The following PARD3B variants were observed in gnomAD, a reference collection of about 807,000 sequenced individuals.
PARD3B encodes par-3 family cell polarity regulator beta.
A neutral mutation model predicts 130.2 loss-of-function variants in PARD3B; 103 were observed. The observed-to-expected ratio is 0.79, with a 90% confidence interval of 0.67 to 0.93. The LOEUF (loss-of-function observed/expected upper bound fraction) is 0.93. Ranked by LOEUF, PARD3B falls within the 40% of genes least tolerant of loss-of-function variation. PARD3B has a pLI of 0.00. For missense variants in PARD3B, 1,609 were observed against 1,499.2 expected (o/e 1.07, Z -1.21); for synonymous variants, 583 against 553.2 (o/e 1.05, Z -0.76).
At chr2:205,472,014 A>C (rs1284199810) in intron 20 of PARD3B, among the ~76,000 whole-genome samples, 1 of 152,196 alleles carries the variant, frequency 6.6e-6, no homozygotes, top group Non-Finnish European at 1.5e-5. Flanking sequence ...TTCTGTCTGC[A>C]CGTAGTGTGT....
chr2:204,702,048 T>C (rs1205453751), intron 2 of PARD3B, among the ~76,000 whole-genome samples: 1 of 152,216 alleles, frequency 6.6e-6, no homozygotes, highest in Non-Finnish European at 1.5e-5. Context: ...TCCAGCTGCA[T>C]TCATGTTGCT....
chr2:204,944,904 G>T (rs1689191648), intron 2 of PARD3B, among the ~76,000 whole-genome samples: 1 of 152,084 alleles, frequency 6.6e-6, no homozygotes, highest in Non-Finnish European at 1.5e-5. Flanking sequence ...CACAAATTTG[G>T]GGGAGTGAGA....
chr2:204,782,610 G>A (rs2041878342), intron 2 of PARD3B, among the ~76,000 whole-genome samples: 1 of 151,368 alleles, frequency 6.6e-6, no homozygotes, highest in Non-Finnish European at 1.5e-5. Context: ...GACACTCCTT[G>A]TTGTTTATCT....
intron 3 of PARD3B, among the ~76,000 whole-genome samples, chr2:205,020,049 G>A (rs2125329544): frequency 6.6e-6 from 1 of 152,194 alleles, no homozygotes; most frequent in Middle Eastern, 3.4e-3. Flanking sequence ...TGAGTGGATT[G>A]GGGATATTCA....
chr2:205,338,242 A>G (rs1328007290), intron 18 of PARD3B, among the ~76,000 whole-genome samples: 1 of 151,638 alleles, frequency 6.6e-6, no homozygotes, highest in Non-Finnish European at 1.5e-5. Context: ...CCAAAGAGCT[A>G]TAAAGAAGAC....
intron 2 of PARD3B, among the ~76,000 whole-genome samples, chr2:204,850,382 T>G (rs2044657540): frequency 2.6e-5 from 4 of 152,078 alleles, no homozygotes; most frequent in Admixed American, 2.0e-4. Flanking sequence ...AGTAAACCTT[T>G]CTTGGACAAC....
chr2:205,476,215 G>A (rs896896889), intron 20 of PARD3B, among the ~76,000 whole-genome samples: 1 of 152,162 alleles, frequency 6.6e-6, no homozygotes, highest in Non-Finnish European at 1.5e-5. Flanking sequence ...CAGACTACAC[G>A]TTGTCGGAAT....
rs1159099968 is a variant in PARD3B at position 205,193,312 on chromosome 2, T to C, written c.2132T>C (p.Met711Thr). The change falls in exon 15 of 23, where the codon ATG (methionine) becomes ACG (threonine). Residue 711 changes from methionine to threonine, a missense_variant. Physicochemically the swap from Met to Thr is moderately conservative, Grantham distance 81 (BLOSUM62 -1). Transcript: ENST00000406610. The part of the protein sequence containing the change: ...ESINLKASKS[M>T]DLVPDESKVH... ...ATTAATTTGAAAGCCTCGAAGAGCA[T>C]GGACCTTGGTAAGCAAGGGTGAGGT... is the stretch of plus-strand genomic sequence containing the variant. 1.9e-6 allele frequency: 3 copies of C among 1,604,638 alleles called. No individual in the cohort carries two copies. The African/African-American group carries it at 4.0e-5, about 21-fold the overall frequency.
At chr2:205,084,996 C>T (rs142234915) in intron 4 of PARD3B, among the ~76,000 whole-genome samples, 1 of 152,106 alleles carries the variant, frequency 6.6e-6, no homozygotes, top group East Asian at 1.9e-4. Flanking sequence ...AGCTGTTCTG[C>T]TTAAATACCT....
rs1409818185 is a variant in PARD3B, at chr2:205,584,677, CAAAAATAAATAAAT to C, written c.3261-30761_3261-30748del. 3.3e-5 allele frequency among the ~76,000 whole-genome samples: 5 copies of C among 152,048 alleles called. No individual in the cohort carries two copies. The East Asian group carries it at 7.7e-4, about 24-fold the overall frequency. On this transcript the variant is annotated intron_variant, in intron 22 of 22. Coordinates refer to ENST00000406610, the MANE Select transcript of PARD3B (RefSeq NM_001302769.2). This position sits in a 1 kb window ranked among gnomAD's most constrained non-coding sequence, Gnocchi z 5.5. ...TGGGCAACAGAGCAAAACTCCATCT[CAAAAATAAATAAAT>C]AAAAATAAATAAATAAATGATATAT... is the stretch of plus-strand genomic sequence containing the variant.
intron 21 of PARD3B, among the ~76,000 whole-genome samples, chr2:205,539,336 A>G (rs1218086812): frequency 6.6e-6 from 1 of 152,204 alleles, no homozygotes; most frequent in Non-Finnish European, 1.5e-5. Flanking sequence ...AAAACCCTGT[A>G]TGAATATAGT....
intron 2 of PARD3B, among the ~76,000 whole-genome samples, chr2:204,765,180 G>A (rs1416406070): frequency 6.6e-6 from 1 of 152,136 alleles, no homozygotes. Context: ...TGAGCAGATG[G>A]TGACTGCACT....
intron 1 of PARD3B, among the ~76,000 whole-genome samples, chr2:204,578,655 C>CA (rs916323351): frequency 2.6e-5 from 4 of 152,146 alleles, no homozygotes; most frequent in South Asian, 2.1e-4. Flanking sequence ...TCCAATGATG[C>CA]AAAACCTTAA....
chr2:204,604,147 T>C (rs898534407), intron 1 of PARD3B, among the ~76,000 whole-genome samples: 6 of 152,170 alleles, frequency 3.9e-5, no homozygotes, highest in African/African-American at 1.4e-4. Context: ...GAATGTTAAC[T>C]GTTTTCAGAG....
At chr2:204,950,397 G>A (rs990816495) in intron 2 of PARD3B, among the ~76,000 whole-genome samples, 1 of 152,152 alleles carries the variant, frequency 6.6e-6, no homozygotes, top group Admixed American at 6.5e-5. Context: ...TTAAAAAGTG[G>A]TGTGAGCCCA....
intron 1 of PARD3B, among the ~76,000 whole-genome samples, chr2:204,666,501 A>G (rs972388797): frequency 1.3e-5 from 2 of 152,196 alleles, no homozygotes; most frequent in African/African-American, 2.4e-5. Context: ...AGAGAAACCA[A>G]TAGGTGGCTA....
Position 205,104,318 on chromosome 2 carries a change from GTATA to G in PARD3B, c.505-104_505-101del, listed in dbSNP as rs1441320616. 6.6e-6 allele frequency: 5 copies of G among 753,536 alleles called. No homozygotes were observed. In the African/African-American group the frequency reaches 8.6e-5, roughly 13 times the overall value. The allele number at this position is 753,536 out of a possible 1,614,324, so 46.7% of individuals were successfully genotyped here. A position where few individuals can be genotyped will look rare whatever the true frequency, so the allele number is the denominator to read the frequency against. Reference sequence around the variant, plus strand: ...GTTTTCAAAGAAATTAGAGCATACTGTATATATCCAGCGTAAAGCGGTTTACTCT... The same window carrying G: ...GTTTTCAAAGAAATTAGAGCATACTGTATCCAGCGTAAAGCGGTTTACTCT... On this transcript the variant is annotated intron_variant, in intron 4 of 22. Coordinates refer to ENST00000406610, the MANE Select transcript of PARD3B (RefSeq NM_001302769.2).
chr2:204,951,534 A>G (rs1183791411), intron 2 of PARD3B, among the ~76,000 whole-genome samples: 4 of 152,184 alleles, frequency 2.6e-5, no homozygotes, highest in Non-Finnish European at 5.9e-5. Flanking sequence ...CTGGGTGCAT[A>G]TTTTTAAGTT....
chr2:204,747,140 T>G (rs565067384), intron 2 of PARD3B, among the ~76,000 whole-genome samples: 64 of 152,260 alleles, frequency 4.2e-4, no homozygotes, highest in East Asian at 2.7e-3. Context: ...AATCCATCTT[T>G]AATTGATTTT....
Sources: gnomAD v4.1 joint callset for allele counts (sites outside exome capture counted in the v4.1 genomes callset) on GRCh38, gnomAD v4.1.1 for gene constraint, Gnocchi (gnomAD v3.1) non-coding constraint, MANE v1.5 for transcripts, NCBI Gene and HGNC (gene_info 2026-07-23, HGNC 2026-07-21) for gene names.